The following SEC14L4 variants were observed in gnomAD, a reference collection of about 807,000 sequenced individuals.
The protein encoded by SEC14L4 is SEC14 like lipid binding 4, also known as SEC14-like protein 4.
A neutral mutation model predicts 55.1 loss-of-function variants in SEC14L4; 42 were observed. The observed-to-expected ratio is 0.76, with a 90% CI of 0.60 to 0.99. SEC14L4 has a LOEUF of 0.99. Among genes scored for constraint, SEC14L4 ranks in the 50% least tolerant of loss-of-function variants. The pLI is 0.00. For missense variants in SEC14L4, 445 were observed against 512.1 expected, an observed-to-expected ratio of 0.87 and a Z score of 1.27; for synonymous variants, 206 against 206.8, an observed-to-expected ratio of 1.00 and a Z score of 0.03.
intron 1 of SEC14L4, among the ~76,000 whole-genome samples, chr22:30,505,085 T>C (rs8136225): frequency 0.23 from 34,714 of 149,284 alleles, 4,197 homozygotes; most frequent in Admixed American, 0.28. Context: ...TGAACCGAGA[T>C]TGCGCCATTA....
At chr22:30,498,489 A>G (rs1301755047) in intron 2 of SEC14L4, among the ~76,000 whole-genome samples, 1 of 152,128 alleles carries the variant, frequency 6.6e-6, no homozygotes. Context: ...TTCAAGGGAG[A>G]CAAGCAATTT....
intron 2 of SEC14L4, among the ~76,000 whole-genome samples, chr22:30,498,521 T>A (rs1397891873): frequency 6.6e-6 from 1 of 152,208 alleles, no homozygotes; most frequent in Non-Finnish European, 1.5e-5. Context: ...TTTTAACTCT[T>A]TCCTTCTAGT....
At chr22:30,500,071 T>C (rs1180353640) in intron 2 of SEC14L4, among the ~76,000 whole-genome samples, 3 of 152,074 alleles carry the variant, frequency 2.0e-5, no homozygotes, top group Admixed American at 2.0e-4. Context: ...GGTTTCTCCA[T>C]GTTGGTCAGG....
At chr22:30,497,636 T>C (rs1936192548) in intron 2 of SEC14L4, among the ~76,000 whole-genome samples, 1 of 152,150 alleles carries the variant, frequency 6.6e-6, no homozygotes, top group African/African-American at 2.4e-5. Flanking sequence ...CTCAGCAGCT[T>C]TGACTGAACC....
intron 1 of SEC14L4, among the ~76,000 whole-genome samples, chr22:30,504,621 G>T (rs1456606017): frequency 6.6e-6 from 1 of 152,168 alleles, no homozygotes; most frequent in South Asian, 2.1e-4. Context: ...AGCGTGGACT[G>T]CCTGATGCCC....
intron 5 of SEC14L4, 113 bp from the exon 6 acceptor site, chr22:30,495,074 A>G (rs1432802903): frequency 1.0e-6 from 1 of 959,274 alleles, no homozygotes; most frequent in African/African-American, 1.7e-5. Flanking sequence ...CTGGCAGCCC[A>G]CAGCGTTTTC....
rs868118128 is a variant in SEC14L4 at position 30,489,731 on chromosome 22, G to C, written c.*376C>G. ...GATGTCCACAGGACCTAGGAACCAC[G>C]CACACCCCCTGAAGCTGGAACACCA... On this transcript the variant is annotated 3_prime_UTR_variant, in exon 12 of 12. Coordinates refer to ENST00000255858, the MANE Select transcript of SEC14L4 (RefSeq NM_174977.4). 77 of 827,052 alleles carry C rather than the reference G, an allele frequency of 9.3e-5. No individual in the cohort carries two copies. Among genetic ancestry groups the C allele is most frequent in the Non-Finnish European group, 1.4e-4 (71 of 497,478 alleles). 51.2% of individuals were successfully genotyped at this position (827,052 alleles called of 1,614,324 possible).
intron 2 of SEC14L4, among the ~76,000 whole-genome samples, chr22:30,501,361 C>T (rs528827193): frequency 6.6e-6 from 1 of 152,292 alleles, no homozygotes; most frequent in East Asian, 1.9e-4. Flanking sequence ...CAATCTCACT[C>T]CTTTATCAAG....
In SEC14L4 at chr22:30,489,535, C is replaced by A; in HGVS notation, c.*572G>T. 1 of 465,240 alleles carries A rather than the reference C, an allele frequency of 2.1e-6. No homozygotes were observed. 28.8% of individuals were successfully genotyped at this position (465,240 alleles called of 1,614,324 possible). On this transcript the variant is annotated 3_prime_UTR_variant, in exon 12 of 12. Coordinates refer to ENST00000255858, the MANE Select transcript of SEC14L4 (RefSeq NM_174977.4). ...GATTATAGGCGTGAGCCACCACGCC[C>A]AGTCCATTTCCAATTTTCCATCCAG...
At chr22:30,501,876 C>T (rs5753174) in intron 2 of SEC14L4, among the ~76,000 whole-genome samples, 26,402 of 95,976 alleles carry the variant, frequency 0.28, 3,478 homozygotes, top group African/African-American at 0.37. Context: ...TATATATATA[C>T]ATACACATAC....
intron 11 of SEC14L4, among the ~76,000 whole-genome samples, chr22:30,490,550 G>A (rs894008327): frequency 2.0e-5 from 3 of 152,202 alleles, no homozygotes; most frequent in East Asian, 1.9e-4. Flanking sequence ...GCCTGGGAAC[G>A]GGATCTCGAG....
intron 5 of SEC14L4, 115 bp from the exon 6 acceptor site, chr22:30,495,076 A>C (rs190471398): frequency 1.5e-4 from 140 of 936,756 alleles, no homozygotes; most frequent in Non-Finnish European, 2.0e-4. Flanking sequence ...GGCAGCCCAC[A>C]GCGTTTTCCA....
intron 7 of SEC14L4, among the ~76,000 whole-genome samples, chr22:30,493,109 AAAAAG>A (rs1936021853): frequency 6.6e-6 from 1 of 151,944 alleles, no homozygotes; most frequent in Non-Finnish European, 1.5e-5. Flanking sequence ...AAAGAAAAGA[AAAAAG>A]AAAAAGAAAA....
intron 3 of SEC14L4, 82 bp from the exon 4 acceptor site, chr22:30,495,724 G>C (rs760086939): frequency 1.9e-6 from 3 of 1,611,478 alleles, no homozygotes; most frequent in Non-Finnish European, 2.5e-6. Flanking sequence ...CAGCCACCAA[G>C]ATCCCACCAC....
chr22:30,503,639 C>T lies in SEC14L4; in HGVS notation c.130+38G>A, dbSNP rs758714457. ...CCTCTCCTGAGACCCTCCTTCCTTC[C>T]CTCCCTTTCTGCGTCCCCTGACCCC... On this transcript the variant is annotated intron_variant, in intron 2 of 11. Coordinates refer to ENST00000255858, the MANE Select transcript of SEC14L4 (RefSeq NM_174977.4). The T allele has an allele frequency of 2.1e-5, 30 of 1,455,810 alleles. No individual in the cohort carries two copies. The South Asian group carries it at 2.9e-4, about 14-fold the overall frequency. The allele number at this position is 1,455,810 out of a possible 1,614,324, so 90.2% of individuals were successfully genotyped here. A position where few individuals can be genotyped will look rare whatever the true frequency, so the allele number is the denominator to read the frequency against.
At chr22:30,495,725 A>T in intron 3 of SEC14L4, 83 bp from the exon 4 acceptor site, 1 of 1,610,996 alleles carries the variant, frequency 6.2e-7, no homozygotes, top group Non-Finnish European at 8.5e-7. Flanking sequence ...AGCCACCAAG[A>T]TCCCACCACA....
At chr22:30,498,867 C>A (rs4820014) in intron 2 of SEC14L4, among the ~76,000 whole-genome samples, 2 of 152,174 alleles carry the variant, frequency 1.3e-5, no homozygotes, top group East Asian at 1.9e-4. Context: ...TCAATGACAC[C>A]GATAGATATT....
intron 2 of SEC14L4, among the ~76,000 whole-genome samples, chr22:30,498,135 T>C (rs1936209836): frequency 7.0e-6 from 1 of 143,666 alleles, no homozygotes; most frequent in South Asian, 2.3e-4. Flanking sequence ...TTTTTTTTTT[T>C]TTTTTTTTTT....
rs17670870 is a variant in SEC14L4, at chr22:30,495,261, G to C, written c.416C>G (p.Thr139Ser). The C allele has an allele frequency of 6.2e-7, 1 of 1,609,474 alleles. No individual in the cohort carries two copies. The highest frequency in any genetic ancestry group is 8.5e-7 in the Non-Finnish European group (1 of 1,177,850). ...CCCACCCCCGCTGCTCACCTTCTGAGTTTGCAGCTCACACTCATGCAACAG... is the reference window on the plus strand; with the variant it reads ...CCCACCCCCGCTGCTCACCTTCTGACTTTGCAGCTCACACTCATGCAACAG... ...ELLLHECELQ[T>S]QKLGRKIEMA... is the part of the protein sequence containing the mutation. Residue 139 changes from threonine to serine, a missense_variant, in exon 5 of 12, where the codon ACT becomes AGT. Transcript: ENST00000255858.
Sources: allele counts gnomAD v4.1 joint callset (sites outside exome capture counted in the v4.1 genomes callset), GRCh38; gene constraint gnomAD v4.1.1; transcripts MANE v1.5; gene names NCBI Gene and HGNC (gene_info 2026-07-23, HGNC 2026-07-21).